FAM89A: variants seen among roughly 807,000 people sequenced by gnomAD.
FAM89A encodes the protein family with sequence similarity 89 member A, also known as protein FAM89A.
FAM89A carries 10 observed loss-of-function variants against 7.1 expected under a neutral mutation model. That is an observed-to-expected ratio of 1.40 (90% CI 0.86 to 2.38). The LOEUF (loss-of-function observed/expected upper bound fraction) is 2.38. FAM89A is among the 30% of genes most tolerant of loss of function. The pLI, the probability that FAM89A is intolerant of heterozygous loss-of-function variation, is 0.00. For synonymous variants in FAM89A, 157 were observed against 129.3 expected (o/e 1.21, Z -1.45); for missense variants, 276 against 262.8 (o/e 1.05, Z -0.35).
chr1:231,023,153 G>T (rs575964147), intron 1 of FAM89A, among the ~76,000 whole-genome samples: 1 of 152,246 alleles, frequency 6.6e-6, no homozygotes, highest in East Asian at 1.9e-4. Context: ...TTTTGCCCAG[G>T]TCACTGTTGC....
intron 1 of FAM89A, among the ~76,000 whole-genome samples, chr1:231,023,732 CTTGGAG>C (rs1217681169): frequency 1.3e-5 from 2 of 152,184 alleles, no homozygotes; most frequent in African/African-American, 2.4e-5. Context: ...TAATTTTCTA[CTTGGAG>C]TTGAAGAGGG....
intron 1 of FAM89A, among the ~76,000 whole-genome samples, chr1:231,031,448 A>G (rs904855221): frequency 1.3e-5 from 2 of 152,236 alleles, no homozygotes; most frequent in African/African-American, 2.4e-5. Flanking sequence ...TGGATCTTTT[A>G]ATATCAAGCA....
chr1:231,039,522 G>C (rs1680219050), intron 1 of FAM89A, among the ~76,000 whole-genome samples: 1 of 152,210 alleles, frequency 6.6e-6, no homozygotes, highest in South Asian at 2.1e-4. Context: ...ACGCAATCGC[G>C]TTAATCCGTT....
chr1:231,020,894 GAA>G (rs1679864444), intron 1 of FAM89A, among the ~76,000 whole-genome samples: 1 of 152,164 alleles, frequency 6.6e-6, no homozygotes, highest in Non-Finnish European at 1.5e-5. Flanking sequence ...CCATCCCAGA[GAA>G]AAGAGCACGG....
intron 1 of FAM89A, among the ~76,000 whole-genome samples, chr1:231,035,730 G>GATTCCT (rs1337533457): frequency 6.6e-6 from 1 of 152,256 alleles, no homozygotes; most frequent in Non-Finnish European, 1.5e-5. Flanking sequence ...CAGCTTAGCA[G>GATTCCT]ATAAAAAATC....
At chr1:231,031,988 T>C (rs1680077852) in intron 1 of FAM89A, among the ~76,000 whole-genome samples, 1 of 152,002 alleles carries the variant, frequency 6.6e-6, no homozygotes, top group Non-Finnish European at 1.5e-5. Flanking sequence ...TTTCCAATCC[T>C]CCCCAACCCC....
intron 1 of FAM89A, among the ~76,000 whole-genome samples, chr1:231,039,309 A>G (rs562837049): frequency 6.4e-4 from 97 of 152,302 alleles, no homozygotes; most frequent in Admixed American, 1.3e-3. Context: ...GGTTTGGGCA[A>G]TCAGCTTCGC....
At chr1:231,020,708 A>G (rs1223658884) in intron 1 of FAM89A, among the ~76,000 whole-genome samples, 1 of 152,178 alleles carries the variant, frequency 6.6e-6, no homozygotes, top group Admixed American at 6.5e-5. Flanking sequence ...CTTATCCCAG[A>G]TGGTTCTGGG....
chr1:231,026,423 C>T (rs1679970762), intron 1 of FAM89A: 2 of 152,186 alleles, frequency 1.3e-5, no homozygotes, highest in Admixed American at 6.6e-5. Context: ...CCTTCCAAAC[C>T]ACTGCACTCC....
intron 1 of FAM89A, among the ~76,000 whole-genome samples, chr1:231,034,729 G>A (rs6661088): frequency 0.4 from 56,978 of 143,850 alleles, 11,140 homozygotes; most frequent in East Asian, 0.55. Context: ...CCGAGATCGC[G>A]CCACTGCACT....
Position 231,039,908 on chromosome 1 carries a change from G to A in FAM89A, c.291+13C>T. 7.7e-7 allele frequency: 1 copy of A among 1,302,238 alleles called. No homozygotes were observed. Among genetic ancestry groups the A allele is most frequent in the Non-Finnish European group, 9.7e-7 (1 of 1,027,626 alleles). 80.7% of individuals were successfully genotyped at this position (1,302,238 alleles called of 1,614,324 possible). On this transcript the variant is annotated intron_variant, in intron 1 of 1. Coordinates refer to ENST00000366654, the MANE Select transcript of FAM89A (RefSeq NM_198552.3). The stretch of plus-strand genomic sequence containing the variant: ...CGGCCGGGAAGAGCCCCAGCTCGCG[G>A]AGCCCCACTCACCATCTCTTTGCGG...
intron 1 of FAM89A, chr1:231,021,849 C>G: frequency 6.3e-7 from 1 of 1,595,812 alleles, no homozygotes; most frequent in Non-Finnish European, 8.6e-7. Flanking sequence ...AGGAGGAATG[C>G]TAGGAGGCTG....
In FAM89A at chr1:231,020,021, A is replaced by C. The variant is rs751550857; in HGVS notation, c.397T>G (p.Cys133Gly). ...GACQAASSPDCTYALENGFFD... is the reference protein window; with the variant it reads ...GACQAASSPDGTYALENGFFD... ...AAGCCGTTCTCCAGAGCGTAAGTGCAGTCTGGGCTGGAGGCTGCCTGGCAT... is the reference window on the plus strand; with the variant it reads ...AAGCCGTTCTCCAGAGCGTAAGTGCCGTCTGGGCTGGAGGCTGCCTGGCAT... The change falls in exon 2 of 2, where the codon TGC (cysteine) becomes GGC (glycine). Residue 133 changes from cysteine (C) to glycine (G), a missense_variant. Coordinates refer to ENST00000366654, the MANE Select transcript of FAM89A (RefSeq NM_198552.3). 3 of 1,614,108 alleles carry C rather than the reference A, an allele frequency of 1.9e-6. No homozygotes were observed. Among genetic ancestry groups the C allele is most frequent in the Non-Finnish European group, 2.5e-6 (3 of 1,180,016 alleles).
At chr1:231,034,223 C>A (rs1297843293) in intron 1 of FAM89A, among the ~76,000 whole-genome samples, 1 of 152,146 alleles carries the variant, frequency 6.6e-6, no homozygotes, top group Non-Finnish European at 1.5e-5. Flanking sequence ...AGGCCCCGCA[C>A]GTGTGCCCAA....
chr1:231,034,771 T>TAAAA (rs1558257188), intron 1 of FAM89A, among the ~76,000 whole-genome samples: 1 of 87,892 alleles, frequency 1.1e-5, no homozygotes. Context: ...AAACTCTGTC[T>TAAAA]CAAAAAAAAA....
chr1:231,034,763 ACT>A (rs1680131771), intron 1 of FAM89A, among the ~76,000 whole-genome samples: 1 of 131,130 alleles, frequency 7.6e-6, no homozygotes, highest in Admixed American at 7.9e-5. Flanking sequence ...CAAGATAGAA[ACT>A]CTGTCTCAAA....
At chr1:231,032,386 G>GCCCCCAC (rs1192256131) in intron 1 of FAM89A, among the ~76,000 whole-genome samples, 5 of 16,762 alleles carry the variant, frequency 3.0e-4, no homozygotes, top group East Asian at 2.1e-3. Context: ...GCCCCCGCCA[G>GCCCCCAC]CCCCCACCCC....
intron 1 of FAM89A, among the ~76,000 whole-genome samples, chr1:231,027,430 A>G (rs1383458538): frequency 1.3e-5 from 2 of 152,280 alleles, no homozygotes; most frequent in East Asian, 3.9e-4. Context: ...AGACGGATTT[A>G]ACAAGGATTA....
At chr1:231,033,316 G>A (rs1052823586) in intron 1 of FAM89A, among the ~76,000 whole-genome samples, 1 of 152,212 alleles carries the variant, frequency 6.6e-6, no homozygotes, top group African/African-American at 2.4e-5. Context: ...TGGTCTGTCT[G>A]GTTTCCTCCA....
Sources: allele counts gnomAD v4.1 joint callset (sites outside exome capture counted in the v4.1 genomes callset), GRCh38; gene constraint gnomAD v4.1.1; transcripts MANE v1.5; gene names NCBI Gene and HGNC (gene_info 2026-07-23, HGNC 2026-07-21).